The following PPP2R5A variants were observed in gnomAD, a reference collection of about 807,000 sequenced individuals.
PPP2R5A encodes serine/threonine-protein phosphatase 2A 56 kDa regulatory subunit alpha isoform.
Under a neutral mutation model 64.2 loss-of-function variants are expected in PPP2R5A, and 25 were observed. That is an observed-to-expected ratio of 0.39 (90% CI 0.28 to 0.54). PPP2R5A has a LOEUF of 0.54. Ranked by LOEUF, PPP2R5A falls within the 20% of genes least tolerant of loss-of-function variation. The pLI is 0.67. For missense variants in PPP2R5A, 425 were observed against 576.3 expected (o/e 0.74, Z 2.69); for synonymous variants, 198 against 201.2 (o/e 0.98, Z 0.13).
chr1:212,291,197 G>C (rs1194669701), intron 1 of PPP2R5A, among the ~76,000 whole-genome samples: 1 of 151,680 alleles, frequency 6.6e-6, no homozygotes, highest in Non-Finnish European at 1.5e-5. Flanking sequence ...TGCCACCTCT[G>C]CCTCCCAGGT....
chr1:212,360,619 A>C lies in PPP2R5A; in HGVS notation c.1329-19A>C. ...TTCTGAAATAATTTCTGATTACAAA[A>C]ATTTTGGTTTATCTACAGAGAGAAA... On this transcript the variant is annotated intron_variant, in intron 12 of 12. Coordinates refer to ENST00000261461, the MANE Select transcript of PPP2R5A (RefSeq NM_006243.4). 6.5e-7 allele frequency: 1 copy of C among 1,534,624 alleles called. No individual in the cohort carries two copies. Among genetic ancestry groups the C allele is most frequent in the Non-Finnish European group, 8.8e-7 (1 of 1,137,540 alleles).
intron 1 of PPP2R5A, chr1:212,299,676 T>C (rs1658765000): frequency 1.3e-5 from 2 of 152,220 alleles, no homozygotes; most frequent in South Asian, 4.1e-4. Flanking sequence ...TCTCCTCAAA[T>C]AGTTTTCCAC....
intron 1 of PPP2R5A, 137 bp downstream of exon 1, chr1:212,286,428 G>T: frequency 1.0e-6 from 1 of 978,812 alleles, no homozygotes. Context: ...TCCCCACAAT[G>T]CCTTGGCGTC....
rs763662131 is a variant in PPP2R5A, at chr1:212,356,969, T to C, written c.998T>C (p.Ile333Thr). Residue 333 changes from isoleucine (I) to threonine (T), a missense_variant, in exon 10 of 13, where the codon ATT becomes ACT. Transcript: ENST00000261461. ...ACCTAGGTGATGTTTTTAGGAGAAA[T>C]TGAAGAAATCTTAGATGTCATTGAA... is the stretch of plus-strand genomic sequence containing the variant. Reference protein sequence around the residue: ...SQKEVMFLGEIEEILDVIEPT... With the variant: ...SQKEVMFLGETEEILDVIEPT... 48 of 1,577,560 alleles carry C rather than the reference T, an allele frequency of 3.0e-5. No homozygotes were observed. The highest frequency in any genetic ancestry group is 4.0e-5 in the Non-Finnish European group (46 of 1,162,960).
intron 8 of PPP2R5A, among the ~76,000 whole-genome samples, chr1:212,355,970 C>CAG: frequency 6.6e-6 from 1 of 151,984 alleles, no homozygotes; most frequent in African/African-American, 2.4e-5. Context: ...GAGGCTGAGG[C>CAG]AGAGAATTGC....
intron 2 of PPP2R5A, among the ~76,000 whole-genome samples, chr1:212,329,628 AG>A (rs1344619096): frequency 2.6e-5 from 4 of 152,122 alleles, no homozygotes; most frequent in African/African-American, 9.7e-5. Context: ...GGAGGTGAAT[AG>A]TTACTGAGAA....
At position 212,286,120 on chromosome 1, in the gene PPP2R5A, T is replaced by C; in HGVS notation, c.10T>C (p.Ser4Pro). 6.3e-7 allele frequency: 1 copy of C among 1,574,878 alleles called. No individual in the cohort carries two copies. Reference protein sequence around the residue: MSSSSPPAGAASAA... With the variant: MSSPSPPAGAASAA... ...CGTCAGGGCCGCGGAGATGTCGTCGTCGTCGCCGCCGGCGGGGGCTGCCAG... is the reference window on the plus strand; with the variant it reads ...CGTCAGGGCCGCGGAGATGTCGTCGCCGTCGCCGCCGGCGGGGGCTGCCAG... Residue 4 changes from serine to proline, a missense_variant, in exon 1 of 13, where the codon TCG becomes CCG. By Grantham distance (74) the Ser-to-Pro change is moderately conservative. Transcript: ENST00000261461.
chr1:212,361,592 T>G lies in PPP2R5A; in HGVS notation c.*822T>G, dbSNP rs1171036301. 2.6e-5 allele frequency: 4 copies of G among 152,640 alleles called. No individual in the cohort carries two copies. Among genetic ancestry groups the G allele is most frequent in the Non-Finnish European group, 5.9e-5 (4 of 68,056 alleles). The allele number at this position is 152,640 out of a possible 1,614,324, so 9.5% of individuals were successfully genotyped here. On this transcript the variant is annotated 3_prime_UTR_variant, in exon 13 of 13. Transcript: ENST00000261461. ...CTGACCCAGGGATGGAGGCTTTGAG[T>G]CCCACAGTGTGGTGATACAGAGCAC... is the stretch of plus-strand genomic sequence containing the variant.
chr1:212,292,223 A>G (rs146777998), intron 1 of PPP2R5A, among the ~76,000 whole-genome samples: 2 of 152,188 alleles, frequency 1.3e-5, no homozygotes, highest in African/African-American at 2.4e-5. Flanking sequence ...CTTATATTCC[A>G]TATTCCTATT....
chr1:212,326,527 G>T (rs974711107), intron 1 of PPP2R5A, among the ~76,000 whole-genome samples: 6 of 152,140 alleles, frequency 3.9e-5, no homozygotes, highest in Non-Finnish European at 8.8e-5. Context: ...AACCTGGGAG[G>T]CAGGGGTTGC....
intron 1 of PPP2R5A, among the ~76,000 whole-genome samples, chr1:212,317,672 T>C (rs538589620): frequency 1.9e-4 from 29 of 152,300 alleles, no homozygotes; most frequent in Non-Finnish European, 3.7e-4. Context: ...AAAAACAGTA[T>C]ACTAGAGCAG....
intron 8 of PPP2R5A, among the ~76,000 whole-genome samples, chr1:212,351,637 G>A (rs1659881671): frequency 6.6e-6 from 1 of 152,074 alleles, no homozygotes; most frequent in South Asian, 2.1e-4. Flanking sequence ...CTTGAGGCAG[G>A]AGAATGGCTT....
At chr1:212,317,862 T>C (rs749279050) in intron 1 of PPP2R5A, among the ~76,000 whole-genome samples, 7 of 151,838 alleles carry the variant, frequency 4.6e-5, no homozygotes, top group Non-Finnish European at 1.0e-4. Flanking sequence ...GGTGGGCGCC[T>C]GTAGTCCCAG....
intron 1 of PPP2R5A, among the ~76,000 whole-genome samples, chr1:212,295,629 G>C (rs1405370634): frequency 1.3e-5 from 2 of 152,172 alleles, no homozygotes; most frequent in Non-Finnish European, 2.9e-5. Context: ...AGAGCCAAGA[G>C]AGACAGCTGG....
At position 212,288,234 on chromosome 1, in the gene PPP2R5A, T is replaced by C. The variant is rs548607092; in HGVS notation, c.181+1943T>C. Among the ~76,000 whole-genome samples, 234 of 152,276 alleles carry C rather than the reference T, an allele frequency of 1.5e-3. 2 individuals are homozygous for C. Among genetic ancestry groups the C allele is most frequent in the African/African-American group, 5.1e-3 (210 of 41,548 alleles). On this transcript the variant is annotated intron_variant, in intron 1 of 12. Coordinates refer to ENST00000261461, the MANE Select transcript of PPP2R5A (RefSeq NM_006243.4). The stretch of plus-strand genomic sequence containing the variant: ...TTTCACCATGTTGGTGAGGCTGGTC[T>C]CCAACTCCTGACCTCAGGTGATCAG...
intron 1 of PPP2R5A, among the ~76,000 whole-genome samples, chr1:212,291,027 T>C (rs752938850): frequency 6.6e-5 from 10 of 152,322 alleles, no homozygotes; most frequent in Non-Finnish European, 1.5e-4. Flanking sequence ...TGTAAAAAGC[T>C]GGGGATAAAG....
intron 11 of PPP2R5A, 100 bp from the exon 12 acceptor site, chr1:212,358,586 A>G: frequency 1.2e-6 from 1 of 811,096 alleles, no homozygotes; most frequent in Non-Finnish European, 2.0e-6. Flanking sequence ...AATGGATTAA[A>G]TGAAATCAGC....
At position 212,358,804 on chromosome 1, in the gene PPP2R5A, A is replaced by G. The variant is rs1034785755; in HGVS notation, c.1328+17A>G. 1.3e-6 allele frequency: 2 copies of G among 1,574,860 alleles called. No homozygotes were observed. Among genetic ancestry groups the G allele is most frequent in the African/African-American group, 2.7e-5 (2 of 73,940 alleles). ...AAGACAGAGGTATTTGATATTTTGA[A>G]TTACAAAATTATCTATACATTTTAT... On this transcript the variant is annotated intron_variant, in intron 12 of 12. Transcript: ENST00000261461.
Position 212,360,940 on chromosome 1 carries a change from T to C in PPP2R5A, c.*170T>C, listed in dbSNP as rs1479079814. ...CTAAACGTAGCCCTGTGCTGTATCATGGCCATAGTATATTGTAACCTTTGT... is the reference window on the plus strand; with the variant it reads ...CTAAACGTAGCCCTGTGCTGTATCACGGCCATAGTATATTGTAACCTTTGT... On this transcript the variant is annotated 3_prime_UTR_variant, in exon 13 of 13. Transcript: ENST00000261461. The C allele has an allele frequency of 4.3e-6, 2 of 463,494 alleles. No homozygotes were observed. Among genetic ancestry groups the C allele is most frequent in the Non-Finnish European group, 7.2e-6 (2 of 276,450 alleles). 28.7% of individuals were successfully genotyped at this position (463,494 alleles called of 1,614,324 possible).
Sources: gnomAD v4.1 joint callset for allele counts (sites outside exome capture counted in the v4.1 genomes callset) on GRCh38, gnomAD v4.1.1 for gene constraint, MANE v1.5 for transcripts, NCBI Gene and HGNC (gene_info 2026-07-23, HGNC 2026-07-21) for gene names.